The following MAF variants were observed in gnomAD, a reference collection of about 807,000 sequenced individuals.
MAF encodes MAF bZIP transcription factor, also known as transcription factor Maf.
In MAF, 10 loss-of-function variants were observed where a neutral mutation model predicts 22.0. The observed-to-expected ratio is 0.45, with a 90% CI of 0.28 to 0.77. The LOEUF (loss-of-function observed/expected upper bound fraction) is 0.77, where lower values mean the gene tolerates loss of function less well. MAF is among the 30% of genes least tolerant of loss of function. The probability of loss-of-function intolerance (pLI) is 0.12; values close to 1 mark genes in which losing one functional copy is unlikely to be tolerated. For synonymous variants in MAF, 337 were observed against 255.8 expected (o/e 1.32, Z -3.03); for missense variants, 544 against 548.4 (o/e 0.99, Z 0.08).
At chr16:79,476,690 A>G in the MAF span, among the ~76,000 whole-genome samples, 2 of 152,130 alleles carry the variant, frequency 1.3e-5, no homozygotes, top group African/African-American at 4.8e-5. Flanking sequence ...GTGCCTACCT[A>G]TGTTAGGGGG....
the MAF span, among the ~76,000 whole-genome samples, chr16:79,364,363 G>C: frequency 6.6e-6 from 1 of 152,182 alleles, no homozygotes; most frequent in Non-Finnish European, 1.5e-5. Context: ...CATTGACTGT[G>C]AGTTAGTTTT....
At chr16:79,369,434 G>T in the MAF span, among the ~76,000 whole-genome samples, 1 of 152,178 alleles carries the variant, frequency 6.6e-6, no homozygotes, top group Non-Finnish European at 1.5e-5. Context: ...AAACATTACT[G>T]CATCCCAGAA....
chr16:79,509,529 C>G, the MAF span, among the ~76,000 whole-genome samples: 1 of 151,338 alleles, frequency 6.6e-6, no homozygotes, highest in Non-Finnish European at 1.5e-5. Context: ...GGCTCTGAGA[C>G]CAACTCTGAT....
At chr16:79,353,384 C>T in the MAF span, among the ~76,000 whole-genome samples, 1 of 152,300 alleles carries the variant, frequency 6.6e-6, no homozygotes, top group East Asian at 1.9e-4. Context: ...CTGCCTCGGC[C>T]TCCCAAAGTG....
chr16:79,491,363 C>A, the MAF span, among the ~76,000 whole-genome samples: 2 of 152,116 alleles, frequency 1.3e-5, no homozygotes, highest in African/African-American at 4.8e-5. Context: ...GTCTGCCAAA[C>A]AAACCAGCAA....
chr16:79,346,887 A>T, the MAF span, among the ~76,000 whole-genome samples: 1 of 152,188 alleles, frequency 6.6e-6, no homozygotes, highest in Non-Finnish European at 1.5e-5. Context: ...TTAGCATTTG[A>T]TAAGATTTAA....
the MAF span, among the ~76,000 whole-genome samples, chr16:79,262,064 C>G: frequency 0.39 from 59,501 of 152,118 alleles, 14,223 homozygotes; most frequent in Non-Finnish European, 0.54. Flanking sequence ...CAGTCACATT[C>G]AGGGCAGAAT....
chr16:79,330,878 T>C, the MAF span, among the ~76,000 whole-genome samples: 5 of 152,230 alleles, frequency 3.3e-5, no homozygotes, highest in Non-Finnish European at 7.3e-5. Flanking sequence ...TGGCCAGGCC[T>C]GCCTGACTCC....
the MAF span, among the ~76,000 whole-genome samples, chr16:79,448,317 G>C: frequency 2.0e-5 from 3 of 151,288 alleles, no homozygotes; most frequent in African/African-American, 7.3e-5. Context: ...TCGGAATAGA[G>C]GCAAGACCCT....
chr16:79,479,797 G>C, the MAF span, among the ~76,000 whole-genome samples: 969 of 152,272 alleles, frequency 6.4e-3, 8 homozygotes, highest in Non-Finnish European at 0.01. Flanking sequence ...GTATCTTGTT[G>C]GCATTGTTGA....
the MAF span, among the ~76,000 whole-genome samples, chr16:79,447,436 G>A: frequency 2.0e-5 from 3 of 152,076 alleles, no homozygotes; most frequent in African/African-American, 4.8e-5. Context: ...GATGGATGTT[G>A]TTTTCATGCC....
chr16:79,488,812 T>C, the MAF span, among the ~76,000 whole-genome samples: 1 of 152,186 alleles, frequency 6.6e-6, no homozygotes, highest in Non-Finnish European at 1.5e-5. Flanking sequence ...GAGCATATCA[T>C]GAGGACTAAT....
the MAF span, among the ~76,000 whole-genome samples, chr16:79,271,988 G>A: frequency 6.6e-6 from 1 of 152,176 alleles, no homozygotes; most frequent in Non-Finnish European, 1.5e-5. Context: ...TGCCTGTTGT[G>A]GCCTCCAAAT....
At chr16:79,596,882 T>G in intron 1 of MAF, 1 of 1,050,804 alleles carries the variant, frequency 9.5e-7, no homozygotes. Context: ...TAAACAGTTT[T>G]GCAATTTTTT....
chr16:79,266,167 G>A, the MAF span, among the ~76,000 whole-genome samples: 3 of 152,226 alleles, frequency 2.0e-5, no homozygotes, highest in East Asian at 5.8e-4. Flanking sequence ...AGCCACCACA[G>A]CCGGCCAGAA....
At chr16:79,550,044 A>G in the MAF span, among the ~76,000 whole-genome samples, 1 of 152,134 alleles carries the variant, frequency 6.6e-6, no homozygotes, top group Non-Finnish European at 1.5e-5. Context: ...TTTTACTTCC[A>G]TCTCTGTATT....
At chr16:79,424,975 C>T in the MAF span, among the ~76,000 whole-genome samples, 1 of 151,976 alleles carries the variant, frequency 6.6e-6, no homozygotes, top group African/African-American at 2.4e-5. Flanking sequence ...ACACTGCTTC[C>T]CCTTGAAGGT....
At chr16:79,499,973 G>A in the MAF span, among the ~76,000 whole-genome samples, 2 of 152,178 alleles carry the variant, frequency 1.3e-5, no homozygotes, top group African/African-American at 4.8e-5. Context: ...GAAAGAGGCA[G>A]AGGGAGTTTA....
chr16:79,592,407 G>C (rs1913241709), downstream of MAF, among the ~76,000 whole-genome samples: 1 of 152,220 alleles, frequency 6.6e-6, no homozygotes, highest in Non-Finnish European at 1.5e-5. Context: ...TGCCTGGAGA[G>C]AATTCCCCTT....
Sources: allele counts gnomAD v4.1 joint callset (sites outside exome capture counted in the v4.1 genomes callset), GRCh38; gene constraint gnomAD v4.1.1; transcripts MANE v1.5; gene names NCBI Gene and HGNC (gene_info 2026-07-23, HGNC 2026-07-21).